IL15: variants seen among roughly 807,000 people sequenced by gnomAD.
The protein encoded by IL15 is interleukin 15.
IL15 carries 11 observed loss-of-function variants against 19.6 expected under a neutral mutation model. The ratio of observed to expected loss-of-function variants is 0.56; its 90% CI spans 0.35 to 0.93. The LOEUF is 0.93. IL15 is among the 40% of genes least tolerant of loss of function. The pLI is 0.01. For synonymous variants in IL15, 58 were observed against 59.6 expected, an observed-to-expected ratio of 0.97 and a Z score of 0.12; for missense variants, 197 against 186.5, an observed-to-expected ratio of 1.06 and a Z score of -0.33.
chr4:141,644,349 C>T (rs1480546826), intron 1 of IL15, among the ~76,000 whole-genome samples: 5 of 152,070 alleles, frequency 3.3e-5, no homozygotes, highest in African/African-American at 7.2e-5. Flanking sequence ...TGTTATTTAT[C>T]GTGATCTTGT....
At chr4:141,717,702 C>T (rs1478396445) in intron 2 of IL15, 4 of 151,760 alleles carry the variant, frequency 2.6e-5, no homozygotes, top group South Asian at 4.2e-4. Context: ...CTTTTGTTGC[C>T]CAGGCTGTAG....
At chr4:141,659,182 A>G (rs1275791934) in intron 2 of IL15, among the ~76,000 whole-genome samples, 1 of 143,074 alleles carries the variant, frequency 7.0e-6, no homozygotes, top group Non-Finnish European at 1.5e-5. Context: ...AATTCCCCAA[A>G]CTCAAGAACA....
chr4:141,658,867 T>TTG (rs1727695285), intron 2 of IL15, among the ~76,000 whole-genome samples: 1 of 151,858 alleles, frequency 6.6e-6, no homozygotes, highest in Non-Finnish European at 1.5e-5. Flanking sequence ...TGGAATTTTT[T>TTG]TTTTTTTTTT....
At chr4:141,655,054 A>G (rs1261065280) in intron 1 of IL15, among the ~76,000 whole-genome samples, 2 of 152,176 alleles carry the variant, frequency 1.3e-5, no homozygotes, top group African/African-American at 2.4e-5. Flanking sequence ...GCAATTTCTC[A>G]GGGACCTTCC....
At chr4:141,709,061 TA>T (rs1729622000) in intron 2 of IL15, among the ~76,000 whole-genome samples, 2 of 140,900 alleles carry the variant, frequency 1.4e-5, no homozygotes, top group South Asian at 4.6e-4. Context: ...AAATTTTCAA[TA>T]TTATTCAATA....
chr4:141,728,023 T>C, intron 6 of IL15, 39 bp downstream of exon 6: 1 of 966,154 alleles, frequency 1.0e-6, no homozygotes. Context: ...TTTGTCTTGT[T>C]ATTAAAGTTT....
intron 2 of IL15, chr4:141,717,428 C>T (rs1729922845): frequency 6.6e-6 from 1 of 152,072 alleles, no homozygotes; most frequent in African/African-American, 2.4e-5. Flanking sequence ...TGAGTGGGCT[C>T]CTTATTAAAG....
intron 2 of IL15, among the ~76,000 whole-genome samples, chr4:141,687,327 C>T (rs1190245090): frequency 1.3e-5 from 2 of 152,196 alleles, no homozygotes; most frequent in Non-Finnish European, 2.9e-5. Flanking sequence ...ATTAGGGTCA[C>T]AGGTAAGGTC....
chr4:141,647,861 G>A (rs1727282294), intron 1 of IL15, among the ~76,000 whole-genome samples: 1 of 151,954 alleles, frequency 6.6e-6, no homozygotes, highest in Non-Finnish European at 1.5e-5. Context: ...TTCTCTCATA[G>A]TATCTGCAGT....
chr4:141,703,527 CCTT>C (rs929223700), intron 2 of IL15, among the ~76,000 whole-genome samples: 1 of 152,060 alleles, frequency 6.6e-6, no homozygotes, highest in African/African-American at 2.4e-5. Flanking sequence ...AGCATTAAGG[CCTT>C]CTCCTGTGGC....
intron 1 of IL15, among the ~76,000 whole-genome samples, chr4:141,651,794 A>C (rs1016171754): frequency 2.8e-4 from 42 of 152,234 alleles, no homozygotes; most frequent in African/African-American, 9.4e-4. Flanking sequence ...ATGTAAGTTA[A>C]TAATGCAGGC....
intron 2 of IL15, among the ~76,000 whole-genome samples, chr4:141,688,277 C>T (rs565163983): frequency 3.4e-4 from 52 of 152,246 alleles, no homozygotes; most frequent in African/African-American, 1.0e-3. Context: ...TTCCAGTATA[C>T]CTTGTGTACA....
At chr4:141,693,147 CA>C (rs1400283226) in intron 2 of IL15, among the ~76,000 whole-genome samples, 2 of 151,208 alleles carry the variant, frequency 1.3e-5, no homozygotes, top group Non-Finnish European at 2.9e-5. Context: ...TGGCAGAAGG[CA>C]AAGGGGAAGC....
At chr4:141,663,966 CACAA>C (rs963928266) in intron 2 of IL15, among the ~76,000 whole-genome samples, 28 of 152,098 alleles carry the variant, frequency 1.8e-4, no homozygotes, top group African/African-American at 5.8e-4. Flanking sequence ...TGAGAATGCA[CACAA>C]ACAAACAGAA....
At chr4:141,731,911 G>A (rs977524528) in intron 7 of IL15, among the ~76,000 whole-genome samples, 4 of 152,102 alleles carry the variant, frequency 2.6e-5, no homozygotes, top group African/African-American at 9.7e-5. Flanking sequence ...TTATCCATGA[G>A]ACTGTGTTTG....
chr4:141,720,757 T>A (rs568276214), intron 4 of IL15, 191 bp downstream of exon 4: 7 of 603,864 alleles, frequency 1.2e-5, no homozygotes, highest in African/African-American at 7.5e-5. Context: ...TTTTTCTACA[T>A]TGTGGTAATA....
At chr4:141,652,909 A>G (rs201272003) in intron 1 of IL15, among the ~76,000 whole-genome samples, 1 of 152,278 alleles carries the variant, frequency 6.6e-6, no homozygotes, top group East Asian at 1.9e-4. Flanking sequence ...TGGGAGATGT[A>G]CTATATCATT....
chr4:141,710,788 G>A (rs1387983663), intron 2 of IL15, among the ~76,000 whole-genome samples: 1 of 150,776 alleles, frequency 6.6e-6, no homozygotes, highest in African/African-American at 2.4e-5. Context: ...TGTCTGGCTT[G>A]GGTTTTTTTT....
chr4:141,678,445 T>C (rs1175931934), intron 2 of IL15, among the ~76,000 whole-genome samples: 1 of 150,642 alleles, frequency 6.6e-6, no homozygotes, highest in Admixed American at 6.6e-5. Context: ...CATAATGTGC[T>C]AAGGGAACTG....
Sources: gnomAD v4.1 joint callset for allele counts (sites outside exome capture counted in the v4.1 genomes callset) on GRCh38, gnomAD v4.1.1 for gene constraint, MANE v1.5 for transcripts, NCBI Gene and HGNC (gene_info 2026-07-23, HGNC 2026-07-21) for gene names.